The following FTO variants were observed in gnomAD, a reference collection of about 807,000 sequenced individuals.
The protein encoded by FTO is FTO alpha-ketoglutarate dependent dioxygenase.
FTO carries 47 observed loss-of-function variants against 63.9 expected under a neutral mutation model. That is an observed-to-expected ratio of 0.74 (90% CI 0.58 to 0.94). FTO has a LOEUF of 0.94. FTO is among the 40% of genes least tolerant of loss of function. FTO has a pLI of 0.00. For synonymous variants in FTO, 207 were observed against 224.4 expected (o/e 0.92, Z 0.69); for missense variants, 562 against 618.1 (o/e 0.91, Z 0.96).
At chr16:54,025,602 A>T (rs2084694534) in intron 8 of FTO, among the ~76,000 whole-genome samples, 1 of 152,038 alleles carries the variant, frequency 6.6e-6, no homozygotes, top group Admixed American at 6.6e-5. Flanking sequence ...GCGTGCTTGT[A>T]ATCTCAGCTA....
At position 54,116,176 on chromosome 16, in the gene FTO, G is replaced by GT. The variant is rs1229707633; in HGVS notation, c.*4267dup. ...TAACGGATCCCACATTCAGTAGACG[G>GT]TTTTTTGTATGCTTCGAGGGAAGGA... On this transcript the variant is annotated 3_prime_UTR_variant, in exon 9 of 9. Coordinates refer to ENST00000471389, the MANE Select transcript of FTO (RefSeq NM_001080432.3). 2 of 152,110 alleles carry GT rather than the reference G, an allele frequency of 1.3e-5. No individual in the cohort carries two copies. Among genetic ancestry groups the GT allele is most frequent in the Non-Finnish European group, 1.5e-5 (1 of 68,026 alleles). The allele number at this position is 152,110 out of a possible 1,614,324, so 9.4% of individuals were successfully genotyped here. A position where few individuals can be genotyped will look rare whatever the true frequency, so the allele number is the denominator to read the frequency against.
chr16:53,745,236 C>G (rs935545272), intron 1 of FTO, among the ~76,000 whole-genome samples: 1 of 152,096 alleles, frequency 6.6e-6, no homozygotes, highest in African/African-American at 2.4e-5. Flanking sequence ...GAATAATTCC[C>G]TTTGGCTTTT....
intron 8 of FTO, among the ~76,000 whole-genome samples, chr16:54,025,492 G>C (rs1205213463): frequency 6.6e-6 from 1 of 151,180 alleles, no homozygotes; most frequent in African/African-American, 2.4e-5. Context: ...GGAGGCCAAG[G>C]GAGGAGGGTC....
chr16:54,059,333 A>G (rs1240052248), intron 8 of FTO, among the ~76,000 whole-genome samples: 1 of 152,220 alleles, frequency 6.6e-6, no homozygotes, highest in African/African-American at 2.4e-5. Context: ...CGGCAATTAC[A>G]GTTGCATAAT....
At chr16:53,998,538 A>C (rs1039266547) in intron 8 of FTO, 2 of 152,224 alleles carry the variant, frequency 1.3e-5, no homozygotes, top group South Asian at 4.1e-4. Flanking sequence ...TGACTTACGT[A>C]AAAAGAGTTT....
chr16:53,938,162 T>G lies in FTO; in HGVS notation c.1364+4053T>G, dbSNP rs140887286. Among the ~76,000 whole-genome samples, 8 of 152,360 alleles carry G rather than the reference T, an allele frequency of 5.3e-5. No individual in the cohort carries two copies. The East Asian group carries it at 1.5e-3, about 29-fold the overall frequency. On this transcript the variant is annotated intron_variant, in intron 8 of 8. Coordinates refer to ENST00000471389, the MANE Select transcript of FTO (RefSeq NM_001080432.3). ...TCTGACCACTGATTATTGTGCACTC[T>G]TTAGTACTAAATATATGTGTGACTC...
chr16:53,976,508 G>A (rs1426141513), intron 8 of FTO, among the ~76,000 whole-genome samples: 1 of 151,882 alleles, frequency 6.6e-6, no homozygotes, highest in Non-Finnish European at 1.5e-5. Context: ...ATATTATAGG[G>A]CCTTCCCTCC....
intron 8 of FTO, among the ~76,000 whole-genome samples, chr16:54,016,818 T>C (rs1449150588): frequency 1.3e-5 from 2 of 152,148 alleles, no homozygotes; most frequent in Non-Finnish European, 2.9e-5. Flanking sequence ...TTGTGTGACA[T>C]AGAGACACCT....
chr16:53,994,514 C>T (rs760047811), intron 8 of FTO: 1 of 152,060 alleles, frequency 6.6e-6, no homozygotes, highest in Non-Finnish European at 1.5e-5. Context: ...AACGCACCAC[C>T]ATGACAGGCC....
At chr16:53,903,627 A>T (rs935138887) in intron 7 of FTO, among the ~76,000 whole-genome samples, 5 of 152,148 alleles carry the variant, frequency 3.3e-5, no homozygotes, top group African/African-American at 1.2e-4. Flanking sequence ...TGTCTTAGAG[A>T]TTGTTCCAAA....
At chr16:53,909,750 G>T (rs1301257296) in intron 7 of FTO, among the ~76,000 whole-genome samples, 1 of 151,766 alleles carries the variant, frequency 6.6e-6, no homozygotes, top group Non-Finnish European at 1.5e-5. Flanking sequence ...TTTTGGTAGA[G>T]ACAGGGTTTC....
chr16:53,884,171 G>T (rs2080936151), intron 6 of FTO, among the ~76,000 whole-genome samples: 1 of 152,204 alleles, frequency 6.6e-6, no homozygotes, highest in African/African-American at 2.4e-5. Flanking sequence ...ATATGTTTTG[G>T]AGTACCTTAT....
At chr16:53,937,981 A>G (rs1458323684) in intron 8 of FTO, 2 of 152,198 alleles carry the variant, frequency 1.3e-5, no homozygotes, top group Non-Finnish European at 2.9e-5. Context: ...AATTATTCAT[A>G]GTTTAGCTTC....
chr16:53,953,628 T>C (rs1202129917), intron 8 of FTO, among the ~76,000 whole-genome samples: 3 of 152,200 alleles, frequency 2.0e-5, no homozygotes, highest in African/African-American at 7.2e-5. Flanking sequence ...TTACCATATG[T>C]TTCCATAACA....
At chr16:53,762,476 C>T (rs958860607) in intron 1 of FTO, among the ~76,000 whole-genome samples, 5 of 152,066 alleles carry the variant, frequency 3.3e-5, no homozygotes, top group African/African-American at 1.2e-4. Flanking sequence ...AAACGTTATC[C>T]TCCAGAGTAT....
At chr16:53,739,460 C>T (rs564924552) in intron 1 of FTO, among the ~76,000 whole-genome samples, 37 of 151,752 alleles carry the variant, frequency 2.4e-4, no homozygotes, top group African/African-American at 8.0e-4. Context: ...GTGATCCGCC[C>T]GCCTTGGCCT....
chr16:53,725,482 G>T (rs1292250231), intron 1 of FTO, among the ~76,000 whole-genome samples: 1 of 152,208 alleles, frequency 6.6e-6, no homozygotes, highest in Non-Finnish European at 1.5e-5. Flanking sequence ...AAAACTATAT[G>T]TAGTAATCTG....
At chr16:53,795,465 G>A (rs2078037278) in intron 1 of FTO, among the ~76,000 whole-genome samples, 1 of 151,820 alleles carries the variant, frequency 6.6e-6, no homozygotes, top group South Asian at 2.1e-4. Context: ...GTGTGTGTGT[G>A]TGCGTGCGTG....
intron 8 of FTO, among the ~76,000 whole-genome samples, chr16:54,094,247 T>A (rs1599357042): frequency 6.6e-6 from 1 of 152,336 alleles, no homozygotes; most frequent in East Asian, 1.9e-4. Context: ...GTCCGCCCAG[T>A]TAACCTGAAG....
Sources: allele counts gnomAD v4.1 joint callset (sites outside exome capture counted in the v4.1 genomes callset), GRCh38; gene constraint gnomAD v4.1.1; transcripts MANE v1.5; gene names NCBI Gene and HGNC (gene_info 2026-07-23, HGNC 2026-07-21).